LLGL2: variants seen among roughly 807,000 people sequenced by gnomAD.
The protein encoded by LLGL2 is LLGL scribble cell polarity complex component 2.
In LLGL2, 81 loss-of-function variants were observed where a neutral mutation model predicts 123.2. The ratio of observed to expected loss-of-function variants is 0.66; its 90% CI spans 0.55 to 0.79. The LOEUF is 0.79. Among genes scored for constraint, LLGL2 ranks in the 30% least tolerant of loss-of-function variants. LLGL2 has a pLI of 0.00. For synonymous variants in LLGL2, 577 were observed against 594.1 expected, an observed-to-expected ratio of 0.97 and a Z score of 0.42; for missense variants, 1,273 against 1,414.6, an observed-to-expected ratio of 0.90 and a Z score of 1.61.
chr17:75,526,942 A>G (rs1421883034), intron 1 of LLGL2, among the ~76,000 whole-genome samples: 2 of 152,092 alleles, frequency 1.3e-5, no homozygotes, highest in Non-Finnish European at 2.9e-5. Flanking sequence ...CCAAGGCAGG[A>G]GGATCGCCTG....
intron 10 of LLGL2, chr17:75,568,032 G>A (rs966215789): frequency 1.9e-6 from 2 of 1,035,256 alleles, no homozygotes; most frequent in Non-Finnish European, 2.3e-6. Flanking sequence ...TGAGTGAGGT[G>A]ATGTGATTGT....
intron 6 of LLGL2, among the ~76,000 whole-genome samples, chr17:75,560,198 G>C (rs913326863): frequency 6.6e-6 from 1 of 152,252 alleles, no homozygotes; most frequent in African/African-American, 2.4e-5. Context: ...GGGCTGGGAG[G>C]ATTCCCACTT....
chr17:75,563,978 G>T (rs778318974), intron 9 of LLGL2, among the ~76,000 whole-genome samples, 172 bp downstream of exon 9: 2 of 152,170 alleles, frequency 1.3e-5, no homozygotes, highest in Non-Finnish European at 2.9e-5. Context: ...GTCTCTCAGC[G>T]GCCCAATTCC....
At position 75,563,103 on chromosome 17, in the gene LLGL2, C is replaced by A. The variant is rs1016520989; in HGVS notation, c.618C>A (p.Ile206=). Residue 206 remains isoleucine (I), a synonymous_variant, in exon 7 of 26, where the codon ATC becomes ATA. Coordinates refer to ENST00000392550, the MANE Select transcript of LLGL2 (RefSeq NM_001031803.2). ...CTCGAGACCCCAACCAGATCCTGATCGGCTACAGCCGAGGCCTCGTTGTCA... is the reference window on the plus strand; with the variant it reads ...CTCGAGACCCCAACCAGATCCTGATAGGCTACAGCCGAGGCCTCGTTGTCA... ...EHPRDPNQIL[I]GYSRGLVVIW... is the part of the protein sequence containing the mutation. 2 of 1,613,178 alleles carry A rather than the reference C, an allele frequency of 1.2e-6. No homozygotes were observed. Among genetic ancestry groups the A allele is most frequent in the Admixed American group, 3.3e-5 (2 of 60,028 alleles).
intron 1 of LLGL2, among the ~76,000 whole-genome samples, chr17:75,541,016 G>C (rs2054185755): frequency 6.6e-6 from 1 of 152,176 alleles, no homozygotes; most frequent in African/African-American, 2.4e-5. Context: ...GGATGCAGAG[G>C]GTCTGGTACA....
At chr17:75,572,283 T>C (rs2055751729) in intron 19 of LLGL2, among the ~76,000 whole-genome samples, 1 of 151,972 alleles carries the variant, frequency 6.6e-6, no homozygotes, top group Non-Finnish European at 1.5e-5. Context: ...ATGCCAGCAC[T>C]TTGGGAGGCC....
In LLGL2 at chr17:75,550,039, C is replaced by T. The variant is rs375759610; in HGVS notation, c.76-6007C>T. Among the ~76,000 whole-genome samples the T allele has an allele frequency of 3.9e-5, 6 of 152,334 alleles. No individual in the cohort carries two copies. In the East Asian group the frequency reaches 1.2e-3, roughly 29 times the overall value. On this transcript the variant is annotated intron_variant, in intron 2 of 25. Coordinates refer to ENST00000392550, the MANE Select transcript of LLGL2 (RefSeq NM_001031803.2). ...ACCTGAGCCAGGTATCAGATGTGGG[C>T]GGGGCCGGGTAGGCTGGATGCCGCG...
Position 75,558,558 on chromosome 17 carries a change from G to A in LLGL2, c.302G>A (p.Ser101Asn), listed in dbSNP as rs1378852168. 1 of 1,611,266 alleles carries A rather than the reference G, an allele frequency of 6.2e-7. No individual in the cohort carries two copies. Among genetic ancestry groups the A allele is most frequent in the Non-Finnish European group, 8.5e-7 (1 of 1,178,908 alleles). ...GATGACAACAGCCTGCACCTTTGGA[G>A]CCTGAAGGTCAAGGGCGGGGCATCG... ...LLDDNSLHLW[S>N]LKVKGGASEL... Residue 101 changes from serine (S) to asparagine (N), a missense_variant, in exon 5 of 26, where the codon AGC becomes AAC. By Grantham distance (46) the Ser-to-Asn change is conservative. Transcript: ENST00000392550. This position sits in a 1 kb window ranked among gnomAD's most constrained non-coding sequence, Gnocchi z 4.0.
intron 3 of LLGL2, among the ~76,000 whole-genome samples, chr17:75,556,976 C>T (rs2054939776): frequency 6.6e-6 from 1 of 151,276 alleles, no homozygotes; most frequent in Non-Finnish European, 1.5e-5. Context: ...TTGCAGTGAG[C>T]CAAGATTGTG....
chr17:75,564,508 G>C lies in LLGL2; in HGVS notation c.1036+1G>C, dbSNP rs1410919148. ...CTCACAGAGGCAGACCCTGCAGCCAGTAGGAGAGCTTCGGGAGTGGGTGCC... is the reference window on the plus strand; with the variant it reads ...CTCACAGAGGCAGACCCTGCAGCCACTAGGAGAGCTTCGGGAGTGGGTGCC... On this transcript the variant is annotated splice_donor_variant, in intron 10 of 25. Coordinates refer to ENST00000392550, the MANE Select transcript of LLGL2 (RefSeq NM_001031803.2). LOFTEE classifies it high-confidence loss of function. This position sits in a 1 kb window ranked among gnomAD's most constrained non-coding sequence, Gnocchi z 4.9. 1.2e-6 allele frequency: 2 copies of C among 1,613,108 alleles called. No homozygotes were observed. Among genetic ancestry groups the C allele is most frequent in the Non-Finnish European group, 8.5e-7 (1 of 1,179,958 alleles).
In LLGL2 at chr17:75,556,117, C is replaced by T. The variant is rs144195122; in HGVS notation, c.147C>T (p.Ile49=). 1.2e-5 allele frequency: 20 copies of T among 1,610,018 alleles called. No homozygotes were observed. Among genetic ancestry groups the T allele is most frequent in the East Asian group, 2.2e-5 (1 of 44,868 alleles). The change falls in exon 3 of 26, where the codon ATC becomes ATT. Residue 49 remains isoleucine, a synonymous_variant. Coordinates refer to ENST00000392550, the MANE Select transcript of LLGL2 (RefSeq NM_001031803.2). ...GCCCGTCCCTGCGCATCCTGGCCATCGGCACCCGTTCTGGAGCCATCAAGC... is the reference window on the plus strand; with the variant it reads ...GCCCGTCCCTGCGCATCCTGGCCATTGGCACCCGTTCTGGAGCCATCAAGC... ...GYSPSLRILA[I]GTRSGAIKLY...
chr17:75,533,419 C>G (rs1401072446), intron 1 of LLGL2, among the ~76,000 whole-genome samples: 1 of 150,976 alleles, frequency 6.6e-6, no homozygotes, highest in African/African-American at 2.4e-5. Flanking sequence ...ATTCTCCTGC[C>G]TCAGCCTCCT....
intron 1 of LLGL2, chr17:75,533,758 G>A (rs987025745): frequency 2.0e-5 from 3 of 152,238 alleles, no homozygotes; most frequent in Non-Finnish European, 4.4e-5. Flanking sequence ...TGTGTTAAAA[G>A]GTGATACGGG....
rs1258508874 is a variant in LLGL2, at chr17:75,558,669, C to T, written c.371+42C>T. 1 of 1,478,148 alleles carries T rather than the reference C, an allele frequency of 6.8e-7. No individual in the cohort carries two copies. The highest frequency in any genetic ancestry group is 9.3e-7 in the Non-Finnish European group (1 of 1,080,472). The allele number at this position is 1,478,148 out of a possible 1,614,324, so 91.6% of individuals were successfully genotyped here. A position where few individuals can be genotyped will look rare whatever the true frequency, so the allele number is the denominator to read the frequency against. On this transcript the variant is annotated intron_variant, in intron 5 of 25. Coordinates refer to ENST00000392550, the MANE Select transcript of LLGL2 (RefSeq NM_001031803.2). This position sits in a 1 kb window ranked among gnomAD's most constrained non-coding sequence, Gnocchi z 4.0. ...CAGCCCCTTCCACTCCCAGCCCAGC[C>T]TGACCCTTGCCCTTAGCTCTGGAGT...
At chr17:75,527,917 AGC>A (rs1197268886) in intron 1 of LLGL2, among the ~76,000 whole-genome samples, 4 of 151,144 alleles carry the variant, frequency 2.6e-5, no homozygotes, top group African/African-American at 9.8e-5. Context: ...CCTTCTGAGT[AGC>A]TGGGACTACA....
At chr17:75,573,695 C>CT (rs10648915) in intron 21 of LLGL2, 64 bp downstream of exon 21, 3 of 1,404,090 alleles carry the variant, frequency 2.1e-6, no homozygotes, top group African/African-American at 1.4e-5. Flanking sequence ...TCTGAGATAC[C>CT]GAGGCTCCCA....
intron 2 of LLGL2, among the ~76,000 whole-genome samples, chr17:75,550,898 GC>G (rs2054643437): frequency 6.6e-6 from 1 of 151,838 alleles, no homozygotes; most frequent in Non-Finnish European, 1.5e-5. Flanking sequence ...AGGACACTAG[GC>G]CCTGGGTTTC....
chr17:75,543,437 T>G lies in LLGL2; in HGVS notation c.11T>G (p.Phe4Cys). The change falls in exon 2 of 26, where the codon TTC (phenylalanine) becomes TGC (cysteine). Residue 4 changes from phenylalanine (F) to cysteine (C), a missense_variant. Physicochemically the swap from Phe to Cys is radical, Grantham distance 205. Transcript: ENST00000392550. MRRFLRPGHDPVRE... is the reference protein window; with the variant it reads MRRCLRPGHDPVRE... ...TGCAGACTAAGCAAAATGAGGCGGT[T>G]CCTGAGGCCAGGGCATGACCCTGTG... is the stretch of plus-strand genomic sequence containing the variant. The G allele has an allele frequency of 6.2e-7, 1 of 1,608,262 alleles. No homozygotes were observed. Among genetic ancestry groups the G allele is most frequent in the Non-Finnish European group, 8.5e-7 (1 of 1,176,742 alleles).
intron 16 of LLGL2, 100 bp from the exon 17 acceptor site, chr17:75,570,850 C>A: frequency 7.0e-7 from 1 of 1,434,984 alleles, no homozygotes; most frequent in Non-Finnish European, 9.3e-7. Context: ...GCTGGCATGG[C>A]TGTGGCCTGC....
Sources: allele counts gnomAD v4.1 joint callset (sites outside exome capture counted in the v4.1 genomes callset), GRCh38; gene constraint gnomAD v4.1.1; non-coding constraint Gnocchi (gnomAD v3.1); transcripts MANE v1.5; gene names NCBI Gene and HGNC (gene_info 2026-07-23, HGNC 2026-07-21).